NTM: variants seen among roughly 807,000 people sequenced by gnomAD.
The protein encoded by NTM is neurotrimin, also known as IgLON family member 2.
In NTM, 13 loss-of-function variants were observed where a neutral mutation model predicts 42.1. The ratio of observed to expected loss-of-function variants is 0.31; its 90% CI spans 0.20 to 0.49. The LOEUF (loss-of-function observed/expected upper bound fraction) is 0.49, where lower values mean the gene tolerates loss of function less well. Ranked by LOEUF, NTM falls within the 20% of genes least tolerant of loss-of-function variation. The pLI, the probability that NTM is intolerant of heterozygous loss-of-function variation, is 0.99. For synonymous variants in NTM, 187 were observed against 179.2 expected (o/e 1.04, Z -0.35); for missense variants, 373 against 452.8 (o/e 0.82, Z 1.60).
intron 2 of NTM, among the ~76,000 whole-genome samples, chr11:131,933,158 G>A (rs1484895832): frequency 6.6e-6 from 1 of 152,216 alleles, no homozygotes; most frequent in African/African-American, 2.4e-5. Context: ...ACTAAAAGCT[G>A]GCAGTGACGC....
intron 2 of NTM, among the ~76,000 whole-genome samples, chr11:132,065,352 C>T (rs1304510127): frequency 1.3e-5 from 2 of 152,158 alleles, no homozygotes; most frequent in African/African-American, 4.8e-5. Flanking sequence ...TCTCCTCAAA[C>T]ATCATCTCAG....
intron 3 of NTM, among the ~76,000 whole-genome samples, chr11:132,180,671 C>A (rs2077438820): frequency 6.6e-6 from 1 of 152,148 alleles, no homozygotes; most frequent in African/African-American, 2.4e-5. Context: ...GTGTCCTGGG[C>A]AGCTGGGTTT....
In NTM at chr11:132,105,815, C is replaced by T. The variant is rs535370664; in HGVS notation, c.168-40467C>T. Among the ~76,000 whole-genome samples, 26 of 152,310 alleles carry T rather than the reference C, an allele frequency of 1.7e-4. No homozygotes were observed. The South Asian group carries it at 3.5e-3, about 21-fold the overall frequency. On this transcript the variant is annotated intron_variant, in intron 2 of 8. Transcript: ENST00000683400. ...CATTGGCTTGAGGTCCACCTTCACT[C>T]TAACCATCTTCTCCGTTTTAACCTA... is the stretch of plus-strand genomic sequence containing the variant.
At chr11:131,987,608 T>A (rs1432859475) in intron 2 of NTM, among the ~76,000 whole-genome samples, 1 of 152,188 alleles carries the variant, frequency 6.6e-6, no homozygotes, top group East Asian at 1.9e-4. Flanking sequence ...AGAGAATACT[T>A]TATTGTGGAG....
At chr11:132,154,740 C>T (rs771143887) in intron 3 of NTM, among the ~76,000 whole-genome samples, 7 of 152,148 alleles carry the variant, frequency 4.6e-5, no homozygotes, top group Non-Finnish European at 8.8e-5. Flanking sequence ...CTAATTTAGG[C>T]TTTGAGGTGT....
intron 1 of NTM, among the ~76,000 whole-genome samples, chr11:131,694,995 G>T (rs953004409): frequency 5.3e-5 from 8 of 152,192 alleles, no homozygotes; most frequent in African/African-American, 1.9e-4. Flanking sequence ...ATTGCGACCT[G>T]CTGCCACCAG....
intron 2 of NTM, among the ~76,000 whole-genome samples, chr11:132,073,802 T>G (rs2058014384): frequency 6.6e-6 from 1 of 152,162 alleles, no homozygotes; most frequent in Admixed American, 6.5e-5. Context: ...TGTCTGCAAT[T>G]TCTCAATTCA....
At chr11:131,856,422 T>C (rs1251260635) in intron 1 of NTM, among the ~76,000 whole-genome samples, 1 of 152,186 alleles carries the variant, frequency 6.6e-6, no homozygotes, top group Non-Finnish European at 1.5e-5. Context: ...TTTTCAAGAA[T>C]ATCTCACCAA....
At chr11:132,105,726 T>C (rs1225756822) in intron 2 of NTM, among the ~76,000 whole-genome samples, 2 of 152,206 alleles carry the variant, frequency 1.3e-5, no homozygotes, top group African/African-American at 4.8e-5. Context: ...TTTCTCAGAT[T>C]GGTTGGCTGA....
chr11:131,485,046 C>A (rs1954015192), intron 1 of NTM, among the ~76,000 whole-genome samples: 1 of 152,180 alleles, frequency 6.6e-6, no homozygotes, highest in East Asian at 1.9e-4. Context: ...TAAATAATAT[C>A]TTTAAAGCAA....
At chr11:131,977,864 G>T (rs140096092) in intron 2 of NTM, among the ~76,000 whole-genome samples, 54 of 152,306 alleles carry the variant, frequency 3.5e-4, no homozygotes, top group African/African-American at 1.2e-3. Context: ...TCTTTATGTG[G>T]CCTTTGATAT....
rs559853209 is a variant in NTM, at chr11:131,861,188, T to C, written c.83-50376T>C. 5.1e-4 allele frequency among the ~76,000 whole-genome samples: 78 copies of C among 152,272 alleles called. 2 individuals are homozygous for C. Among genetic ancestry groups the C allele is most frequent in the African/African-American group, 1.7e-3 (72 of 41,536 alleles). ...CATTTTCCATTGCATGTGAGCTCTA[T>C]TATGAAGAGCTAGGAAGGGCCTACA... is the stretch of plus-strand genomic sequence containing the variant. On this transcript the variant is annotated intron_variant, in intron 1 of 8. Coordinates refer to ENST00000683400, the MANE Select transcript of NTM (RefSeq NM_001352005.2).
chr11:131,799,459 C>T lies in NTM; in HGVS notation c.83-112105C>T, dbSNP rs1436476325. On this transcript the variant is annotated intron_variant, in intron 1 of 8. Coordinates refer to ENST00000683400, the MANE Select transcript of NTM (RefSeq NM_001352005.2). Reference sequence around the variant, plus strand: ...ATTTTATTTATTTATTCTATATCCTCAGGTAATGTGGGGCCATACGTAGGG... The same window carrying T: ...ATTTTATTTATTTATTCTATATCCTTAGGTAATGTGGGGCCATACGTAGGG... 5.9e-5 allele frequency among the ~76,000 whole-genome samples: 9 copies of T among 152,272 alleles called. No individual in the cohort carries two copies. In the South Asian group the frequency reaches 8.3e-4, roughly 14 times the overall value.
At chr11:131,441,508 T>C (rs1216286063) in intron 1 of NTM, among the ~76,000 whole-genome samples, 1 of 152,134 alleles carries the variant, frequency 6.6e-6, no homozygotes, top group East Asian at 1.9e-4. Flanking sequence ...CTATGGAATA[T>C]GTAGGGAAGG....
chr11:132,312,473 G>A (rs1290685553), intron 6 of NTM: 1 of 152,920 alleles, frequency 6.5e-6, no homozygotes, highest in Non-Finnish European at 1.5e-5. Flanking sequence ...CACAGCTTTG[G>A]TAAGAAACTG....
At chr11:131,500,189 A>G (rs1343657025) in intron 1 of NTM, among the ~76,000 whole-genome samples, 2 of 152,190 alleles carry the variant, frequency 1.3e-5, no homozygotes, top group African/African-American at 4.8e-5. Flanking sequence ...AGGAGGCGGG[A>G]GAGAGGATAA....
chr11:132,061,519 G>C (rs2080670192), intron 2 of NTM, among the ~76,000 whole-genome samples: 1 of 152,180 alleles, frequency 6.6e-6, no homozygotes, highest in Non-Finnish European at 1.5e-5. Context: ...AATTGAGTTA[G>C]ATTGAATCAA....
intron 1 of NTM, among the ~76,000 whole-genome samples, chr11:131,548,009 A>T (rs765154647): frequency 6.6e-5 from 10 of 152,192 alleles, no homozygotes; most frequent in Non-Finnish European, 1.3e-4. Context: ...GAGACAGAGG[A>T]GCTCAAACTC....
chr11:131,589,952 A>G (rs2059223807), intron 1 of NTM, among the ~76,000 whole-genome samples: 1 of 152,184 alleles, frequency 6.6e-6, no homozygotes, highest in African/African-American at 2.4e-5. Context: ...GCAGCAAGGG[A>G]TACGCTCTTC....
Sources: gnomAD v4.1 joint callset for allele counts (sites outside exome capture counted in the v4.1 genomes callset) on GRCh38, gnomAD v4.1.1 for gene constraint, MANE v1.5 for transcripts, NCBI Gene and HGNC (gene_info 2026-07-23, HGNC 2026-07-21) for gene names.